Variants in RBM4 observed in about 807,000 individuals in gnomAD.
The protein encoded by RBM4 is RNA binding motif protein 4.
In RBM4, 7 loss-of-function variants were observed where a neutral mutation model predicts 29.5. That is an observed-to-expected ratio of 0.24 (90% CI 0.14 to 0.45). The LOEUF (loss-of-function observed/expected upper bound fraction) is 0.45, where lower values mean the gene tolerates loss of function less well. Ranked by LOEUF, RBM4 falls within the 20% of genes least tolerant of loss-of-function variation. The pLI is 1.00. For missense variants in RBM4, 387 were observed against 502.3 expected (o/e 0.77, Z 2.19); for synonymous variants, 220 against 205.4 (o/e 1.07, Z -0.61).
chr11:66,661,625 C>T (rs185638869), intron 2 of RBM4, among the ~76,000 whole-genome samples: 3 of 152,206 alleles, frequency 2.0e-5, no homozygotes, highest in South Asian at 2.1e-4. Context: ...GAGCTTTTAG[C>T]GTTGAGAGGC....
At chr11:66,645,856 G>A (rs1938668621) in intron 3 of RBM4, among the ~76,000 whole-genome samples, 171 bp from the exon 4 acceptor site, 1 of 152,128 alleles carries the variant, frequency 6.6e-6, no homozygotes, top group Non-Finnish European at 1.5e-5. Context: ...GTTACTCTCT[G>A]GCCTTCAAGC....
chr11:66,659,611 C>G (rs1018437327), intron 2 of RBM4, among the ~76,000 whole-genome samples: 17 of 152,142 alleles, frequency 1.1e-4, no homozygotes, highest in Non-Finnish European at 2.2e-4. Context: ...CTTGGTATAT[C>G]TGAGATAGAG....
Position 66,643,874 on chromosome 11 carries a change from C to T in RBM4, c.837C>T (p.Thr279=). The part of the protein sequence containing the change: ...LDPYDRHLLP[T]SGAAATAAAA... ...CCTACGATAGACACCTGTTGCCGAC[C>T]TCAGGAGCTGCTGCCACAGCTGCTG... The change falls in exon 3 of 4, where the codon ACC becomes ACT. Residue 279 remains threonine (T), a synonymous_variant. Coordinates refer to ENST00000310092, the MANE Select transcript of RBM4 (RefSeq NM_002896.4). The surrounding 1 kb of genome is among the most constrained non-coding windows in gnomAD (Gnocchi z 6.1). The T allele has an allele frequency of 6.2e-7, 1 of 1,613,880 alleles. No homozygotes were observed. Among genetic ancestry groups the T allele is most frequent in the South Asian group, 1.1e-5 (1 of 91,076 alleles).
At chr11:66,654,134 C>T (rs1938894689) in intron 2 of RBM4, among the ~76,000 whole-genome samples, 1 of 152,142 alleles carries the variant, frequency 6.6e-6, no homozygotes, top group African/African-American at 2.4e-5. Context: ...AAATGATCCT[C>T]CCGTCTCAGC....
intron 2 of RBM4, among the ~76,000 whole-genome samples, chr11:66,657,269 A>G (rs1437203929): frequency 6.6e-6 from 1 of 151,656 alleles, no homozygotes; most frequent in Non-Finnish European, 1.5e-5. Context: ...GGTATGCACC[A>G]TTGCACCTGG....
At chr11:66,665,707 C>A in intron 2 of RBM4, 1 of 1,443,632 alleles carries the variant, frequency 6.9e-7, no homozygotes, top group Non-Finnish European at 9.3e-7. Context: ...CCAAGTCAGA[C>A]TGGATCTAAC....
At chr11:66,667,913 C>CCTA (rs1939305597) in exon 3 of RBM4, 1 of 152,356 alleles carries the variant, frequency 6.6e-6, no homozygotes, top group Admixed American at 6.6e-5. Flanking sequence ...TGCTATGTTG[C>CCTA]CTAGGCTGGT....
At position 66,663,604 on chromosome 11, in the gene RBM4, C is replaced by T. The variant is rs189045815; in HGVS notation, c.413-2252C>T. ...TTGGCCTCCCAAAGTGCTGGGATTA[C>T]AGGCATGAGCCACTGTGCCTGGCCT... On this transcript the variant is annotated intron_variant, in intron 2 of 2. Coordinates refer to the RBM4 transcript ENST00000396053. Among the ~76,000 whole-genome samples the T allele has an allele frequency of 1.2e-3, 183 of 152,178 alleles. 1 individual carries two copies. Among genetic ancestry groups the T allele is most frequent in the African/African-American group, 4.2e-3 (176 of 41,524 alleles).
downstream of RBM4, among the ~76,000 whole-genome samples, chr11:66,649,127 CT>C (rs1938771589): frequency 1.3e-5 from 2 of 152,120 alleles, no homozygotes; most frequent in Non-Finnish European, 2.9e-5. Flanking sequence ...CTGCCTCAGC[CT>C]CCTGCGTAGC....
chr11:66,640,148 G>A lies in RBM4; in HGVS notation c.412+25G>A, dbSNP rs1938373856. ...GGTGAACCACCCTCTTTGGGTAGAG[G>A]GCTGAACACAAGGCTGTGTGCAGAA... is the stretch of plus-strand genomic sequence containing the variant. On this transcript the variant is annotated intron_variant, in intron 2 of 3. Transcript: ENST00000310092. The A allele has an allele frequency of 2.5e-6, 4 of 1,613,788 alleles. No individual in the cohort carries two copies. The African/African-American group carries it at 5.3e-5, about 22-fold the overall frequency.
chr11:66,649,563 A>AT (rs1486080564), downstream of RBM4, among the ~76,000 whole-genome samples: 3 of 152,208 alleles, frequency 2.0e-5, no homozygotes, highest in African/African-American at 7.2e-5. Flanking sequence ...ATTTGAAAAG[A>AT]TTGACTATAA....
At chr11:66,662,622 C>A (rs1332928422) in intron 2 of RBM4, among the ~76,000 whole-genome samples, 1 of 152,116 alleles carries the variant, frequency 6.6e-6, no homozygotes, top group Non-Finnish European at 1.5e-5. Flanking sequence ...AGGCTGGTCT[C>A]AAACTCTTGA....
At chr11:66,661,724 G>A (rs1456354337) in intron 2 of RBM4, among the ~76,000 whole-genome samples, 1 of 152,138 alleles carries the variant, frequency 6.6e-6, no homozygotes, top group Admixed American at 6.6e-5. Context: ...CATATAAGAA[G>A]TAAGGTTTAG....
intron 2 of RBM4, among the ~76,000 whole-genome samples, chr11:66,655,330 C>T (rs1938926008): frequency 6.6e-6 from 1 of 151,336 alleles, no homozygotes; most frequent in African/African-American, 2.4e-5. Flanking sequence ...CACTCTGTCA[C>T]CCAGACTGCA....
chr11:66,651,784 GTGTCTGGATTCTGTCT>G (rs1938837743), intron 2 of RBM4, among the ~76,000 whole-genome samples: 1 of 152,176 alleles, frequency 6.6e-6, no homozygotes, highest in African/African-American at 2.4e-5. Flanking sequence ...GGCAGACGTG[GTGTCTGGATTCTGTCT>G]TGAGTTTGCA....
intron 2 of RBM4, chr11:66,641,085 T>A (rs1938437309): frequency 6.6e-6 from 1 of 152,214 alleles, no homozygotes; most frequent in Non-Finnish European, 1.5e-5. Context: ...AACTCTTCTT[T>A]CACCTCCTTT....
chr11:66,643,337 A>G lies in RBM4; in HGVS notation c.413-113A>G. The G allele has an allele frequency of 7.8e-7, 1 of 1,274,422 alleles. No homozygotes were observed. The highest frequency in any genetic ancestry group is 1.1e-6 in the Non-Finnish European group (1 of 947,940). 78.9% of individuals were successfully genotyped at this position (1,274,422 alleles called of 1,614,324 possible). On this transcript the variant is annotated intron_variant, in intron 2 of 3. Transcript: ENST00000310092. This position sits in a 1 kb window ranked among gnomAD's most constrained non-coding sequence, Gnocchi z 6.1. ...TCCTTTTTATCTTTTCCTAAAGATGAGTCCTGCATTAGAATTGTCTAGATA... is the reference window on the plus strand; with the variant it reads ...TCCTTTTTATCTTTTCCTAAAGATGGGTCCTGCATTAGAATTGTCTAGATA...
At chr11:66,647,209 G>C (rs749629940), downstream of RBM4, among the ~76,000 whole-genome samples, 1 of 152,226 alleles carries the variant, frequency 6.6e-6, no homozygotes, top group Non-Finnish European at 1.5e-5. Context: ...GACTGTGTCA[G>C]AGCATTTCTC....
At chr11:66,665,024 C>CAA (rs1210779885) in intron 2 of RBM4, 1 of 152,284 alleles carries the variant, frequency 6.6e-6, no homozygotes, top group Non-Finnish European at 1.5e-5. Context: ...ATTTATTTGT[C>CAA]AAAAAATTTT....
Sources: gnomAD v4.1 joint callset for allele counts (sites outside exome capture counted in the v4.1 genomes callset) on GRCh38, gnomAD v4.1.1 for gene constraint, Gnocchi (gnomAD v3.1) non-coding constraint, MANE v1.5 for transcripts, NCBI Gene and HGNC (gene_info 2026-07-23, HGNC 2026-07-21) for gene names.